The following FRMD4A variants were observed in gnomAD, a reference collection of about 807,000 sequenced individuals.
FRMD4A encodes FERM domain containing 4A.
Under a neutral mutation model 129.1 loss-of-function variants are expected in FRMD4A, and 29 were observed. The observed-to-expected ratio is 0.22, with a 90% confidence interval of 0.17 to 0.31. The LOEUF is 0.31. FRMD4A is among the 10% of genes least tolerant of loss of function. FRMD4A has a pLI of 1.00. For missense variants in FRMD4A, 1,272 were observed against 1,375.8 expected (o/e 0.92, Z 1.19); for synonymous variants, 634 against 571.6 (o/e 1.11, Z -1.56).
chr10:14,285,020 C>T (rs766541293), intron 2 of FRMD4A, among the ~76,000 whole-genome samples: 1 of 152,140 alleles, frequency 6.6e-6, no homozygotes, highest in Admixed American at 6.5e-5. Context: ...AAGTATACAG[C>T]CTTTGCTTAT....
At chr10:13,816,907 T>C (rs1484066193) in intron 3 of FRMD4A, among the ~76,000 whole-genome samples, 3 of 152,230 alleles carry the variant, frequency 2.0e-5, no homozygotes, top group Non-Finnish European at 4.4e-5. Context: ...ATTAGCCTCT[T>C]GTGGGCCATC....
chr10:14,224,848 T>C (rs1024577963), intron 2 of FRMD4A, among the ~76,000 whole-genome samples: 2 of 152,176 alleles, frequency 1.3e-5, no homozygotes, highest in East Asian at 3.8e-4. Flanking sequence ...TTTTTGTAAG[T>C]CTAACTTGCA....
chr10:14,286,199 T>C (rs1253888210), intron 2 of FRMD4A, among the ~76,000 whole-genome samples: 2 of 152,198 alleles, frequency 1.3e-5, no homozygotes, highest in East Asian at 1.9e-4. Context: ...AGAAAAGGAA[T>C]TGCAAATGCT....
At chr10:13,964,876 G>A (rs1267620272) in intron 2 of FRMD4A, among the ~76,000 whole-genome samples, 11 of 151,854 alleles carry the variant, frequency 7.2e-5, no homozygotes, top group Admixed American at 3.9e-4. Flanking sequence ...AGTAGAGATG[G>A]GGTTTCACCA....
intron 2 of FRMD4A, among the ~76,000 whole-genome samples, chr10:13,984,324 C>T (rs185796815): frequency 4.8e-4 from 73 of 152,336 alleles, no homozygotes; most frequent in Non-Finnish European, 8.8e-4. Flanking sequence ...GAAGCACCTA[C>T]CTGTGGGCAT....
intron 2 of FRMD4A, among the ~76,000 whole-genome samples, chr10:14,290,347 T>C (rs1845812610): frequency 6.6e-6 from 1 of 151,998 alleles, no homozygotes; most frequent in Admixed American, 6.6e-5. Context: ...GGTATAATAA[T>C]TAAAACAGTA....
intron 2 of FRMD4A, among the ~76,000 whole-genome samples, chr10:14,060,788 T>C (rs1588890225): frequency 6.6e-6 from 1 of 152,242 alleles, no homozygotes. Context: ...GGCTGGCCAC[T>C]TATATAGAGA....
intron 2 of FRMD4A, among the ~76,000 whole-genome samples, chr10:14,317,605 C>A (rs1038771500): frequency 2.0e-5 from 3 of 151,656 alleles, no homozygotes; most frequent in African/African-American, 7.3e-5. Flanking sequence ...TCAGCACATA[C>A]CACAATATCT....
At chr10:14,209,189 C>G (rs575164403) in intron 2 of FRMD4A, among the ~76,000 whole-genome samples, 2 of 152,094 alleles carry the variant, frequency 1.3e-5, no homozygotes, top group African/African-American at 2.4e-5. Flanking sequence ...CTGTGTGTCT[C>G]TCCTGACACT....
intron 2 of FRMD4A, among the ~76,000 whole-genome samples, chr10:13,886,142 T>C (rs1347149431): frequency 6.6e-6 from 1 of 152,182 alleles, no homozygotes; most frequent in African/African-American, 2.4e-5. Flanking sequence ...TTTCTGGTTA[T>C]GAATGGCACA....
At chr10:14,101,717 C>T (rs1429360967) in intron 2 of FRMD4A, among the ~76,000 whole-genome samples, 6 of 149,122 alleles carry the variant, frequency 4.0e-5, no homozygotes. Context: ...TTCAAATATG[C>T]CTGGCTTCTA....
intron 6 of FRMD4A, among the ~76,000 whole-genome samples, chr10:13,764,587 A>G (rs568318958): frequency 2.0e-5 from 3 of 152,244 alleles, no homozygotes; most frequent in African/African-American, 7.2e-5. Context: ...CTTCTTAATA[A>G]ACTTCTAAGT....
At chr10:14,228,114 C>T (rs1232830864) in intron 2 of FRMD4A, among the ~76,000 whole-genome samples, 2 of 152,090 alleles carry the variant, frequency 1.3e-5, no homozygotes, top group Non-Finnish European at 2.9e-5. Context: ...CCTCATGACC[C>T]ACCTGTTTCA....
intron 2 of FRMD4A, among the ~76,000 whole-genome samples, chr10:14,125,568 TA>T (rs1838785720): frequency 6.6e-6 from 1 of 152,202 alleles, no homozygotes; most frequent in South Asian, 2.1e-4. Context: ...TTGCCTGCTC[TA>T]AGGTTAGAAT....
intron 2 of FRMD4A, chr10:13,866,204 T>G (rs2094365561): frequency 2.0e-6 from 1 of 500,282 alleles, no homozygotes; most frequent in African/African-American, 2.1e-5. Context: ...CCTTTAAAAC[T>G]TAGTCATCAG....
At chr10:13,745,785 C>T (rs934054257) in intron 9 of FRMD4A, among the ~76,000 whole-genome samples, 2 of 152,202 alleles carry the variant, frequency 1.3e-5, no homozygotes, top group Non-Finnish European at 2.9e-5. Flanking sequence ...CCCTGGTCCT[C>T]TCTAGTTACC....
chr10:14,165,888 A>G (rs1337439793), intron 2 of FRMD4A, among the ~76,000 whole-genome samples: 1 of 152,114 alleles, frequency 6.6e-6, no homozygotes, highest in Non-Finnish European at 1.5e-5. Context: ...AGGACTGAAA[A>G]TCTTTCTATT....
intron 5 of FRMD4A, among the ~76,000 whole-genome samples, chr10:13,791,401 A>AT (rs1367757985): frequency 2.2e-5 from 2 of 92,250 alleles, no homozygotes; most frequent in African/African-American, 6.1e-5. Flanking sequence ...TAGAAATAAA[A>AT]GGTGTGTGTG....
intron 15 of FRMD4A, among the ~76,000 whole-genome samples, chr10:13,686,722 C>A (rs1042102944): frequency 1.1e-4 from 17 of 152,196 alleles, no homozygotes; most frequent in African/African-American, 4.1e-4. Context: ...AGTAATCACA[C>A]AGCCAAATTC....
Sources: allele counts gnomAD v4.1 joint callset (sites outside exome capture counted in the v4.1 genomes callset), GRCh38; gene constraint gnomAD v4.1.1; transcripts MANE v1.5; gene names NCBI Gene and HGNC (gene_info 2026-07-23, HGNC 2026-07-21).